DOCK7: variants seen among roughly 807,000 people sequenced by gnomAD.
DOCK7 encodes dedicator of cytokinesis protein 7.
Under a neutral mutation model 271.0 loss-of-function variants are expected in DOCK7, and 138 were observed. That is an observed-to-expected ratio of 0.51 (90% CI 0.44 to 0.59). DOCK7 has a LOEUF of 0.59. Among genes scored for constraint, DOCK7 ranks in the 20% least tolerant of loss-of-function variants. DOCK7 has a pLI of 0.00. For missense variants in DOCK7, 2,066 were observed against 2,592.4 expected, an observed-to-expected ratio of 0.80 and a Z score of 4.41; for synonymous variants, 823 against 876.1, an observed-to-expected ratio of 0.94 and a Z score of 1.07.
chr1:62,657,921 G>A (rs1016187755), intron 2 of DOCK7, among the ~76,000 whole-genome samples: 1 of 151,904 alleles, frequency 6.6e-6, no homozygotes, highest in African/African-American at 2.4e-5. Flanking sequence ...CATCTTCAGG[G>A]ACAAACTACA....
chr1:62,615,397 G>C (rs1214311919), intron 14 of DOCK7, among the ~76,000 whole-genome samples: 3 of 151,762 alleles, frequency 2.0e-5, no homozygotes, highest in East Asian at 1.9e-4. Flanking sequence ...TACTAACAGA[G>C]CACTAGGATC....
At chr1:62,540,936 C>A (rs1247721673) in intron 25 of DOCK7, among the ~76,000 whole-genome samples, 1 of 152,060 alleles carries the variant, frequency 6.6e-6, no homozygotes, top group Non-Finnish European at 1.5e-5. Flanking sequence ...AATGAATTGT[C>A]ACTTATATAT....
intron 1 of DOCK7, among the ~76,000 whole-genome samples, chr1:62,673,086 C>T (rs1360060166): frequency 6.6e-6 from 1 of 151,906 alleles, no homozygotes; most frequent in Non-Finnish European, 1.5e-5. Flanking sequence ...TAAGTTAGCC[C>T]GTGTTAAAAT....
At chr1:62,497,977 A>AG (rs1646670770) in intron 37 of DOCK7, among the ~76,000 whole-genome samples, 2 of 151,948 alleles carry the variant, frequency 1.3e-5, no homozygotes, top group East Asian at 3.9e-4. Context: ...TAAAAAAAAA[A>AG]GGGGGCTGGG....
Position 62,513,801 on chromosome 1 carries a change from T to C in DOCK7, c.4034A>G (p.Gln1345Arg), listed in dbSNP as rs1361940626. The C allele has an allele frequency of 6.2e-7, 1 of 1,614,174 alleles. No homozygotes were observed. Among genetic ancestry groups the C allele is most frequent in the Non-Finnish European group, 8.5e-7 (1 of 1,180,006 alleles). Residue 1345 changes from glutamine (Q) to arginine (R), a missense_variant, in exon 32 of 50, where the codon CAG becomes CGG. Coordinates refer to ENST00000635253, the MANE Select transcript of DOCK7 (RefSeq NM_001367561.1). ...GACTGAGAGATCTGTAAACCACTTC[T>C]GTAGAACTGTTTCATCTGCATTTTT... ...VLKNADETVL[Q>R]KWFTDLSVLQ...
In DOCK7 at chr1:62,578,857, T is replaced by C; in HGVS notation, c.1981A>G (p.Thr661Ala). 6.2e-7 allele frequency: 1 copy of C among 1,606,388 alleles called. No individual in the cohort carries two copies. The highest frequency in any genetic ancestry group is 8.5e-7 in the Non-Finnish European group (1 of 1,177,728). Residue 661 changes from threonine to alanine, a missense_variant, in exon 17 of 50, where the codon ACT (threonine) becomes GCT (alanine). Around this residue, in one of 2 missense-constraint regions of DOCK7, gnomAD observed 1,414 missense variants for 1,670.4 expected, o/e 0.85. Coordinates refer to ENST00000635253, the MANE Select transcript of DOCK7 (RefSeq NM_001367561.1). ...TATCCAACTGGTGTTTCAAGAGGAG[T>C]ATTTTGTTTTTGTTGACAACTAACA... is the stretch of plus-strand genomic sequence containing the variant. Reference protein sequence around the residue: ...YHVSCQQKQNTPLETPVGYTW... With the variant: ...YHVSCQQKQNAPLETPVGYTW...
chr1:62,651,300 TG>T (rs1557860869), intron 4 of DOCK7, among the ~76,000 whole-genome samples: 1 of 42,670 alleles, frequency 2.3e-5, no homozygotes, highest in African/African-American at 9.6e-5. Context: ...TGTTGTGGGG[TG>T]GGGGGAGGGG....
At chr1:62,644,482 C>A (rs1334465611) in intron 7 of DOCK7, among the ~76,000 whole-genome samples, 1 of 152,206 alleles carries the variant, frequency 6.6e-6, no homozygotes, top group Non-Finnish European at 1.5e-5. Flanking sequence ...CCCATTAAAA[C>A]CAGGATGAGC....
At chr1:62,556,298 A>T (rs1052485693) in intron 20 of DOCK7, among the ~76,000 whole-genome samples, 1 of 152,176 alleles carries the variant, frequency 6.6e-6, no homozygotes, top group Non-Finnish European at 1.5e-5. Flanking sequence ...AAAGTACATA[A>T]GAAAAAAGAA....
chr1:62,684,634 G>A (rs553039524), intron 1 of DOCK7, among the ~76,000 whole-genome samples: 1 of 152,284 alleles, frequency 6.6e-6, no homozygotes, highest in South Asian at 2.1e-4. Flanking sequence ...TTACTGCTGA[G>A]TATCAAGCAA....
At chr1:62,496,594 C>A in intron 37 of DOCK7, 97 bp from the exon 38 acceptor site, 1 of 1,110,954 alleles carries the variant, frequency 9.0e-7, no homozygotes, top group Non-Finnish European at 1.3e-6. Flanking sequence ...TGAAAAAATA[C>A]CATTCTAAGC....
intron 7 of DOCK7, among the ~76,000 whole-genome samples, chr1:62,644,272 T>G (rs1478257892): frequency 6.6e-6 from 1 of 152,244 alleles, no homozygotes; most frequent in African/African-American, 2.4e-5. Flanking sequence ...ATATAGTAGG[T>G]AAGCTTATGA....
rs1371045527 is a variant in DOCK7, at chr1:62,653,706, T to C, written c.389+19A>G. 9 of 1,433,256 alleles carry C rather than the reference T, an allele frequency of 6.3e-6. No homozygotes were observed. Among genetic ancestry groups the C allele is most frequent in the African/African-American group, 2.8e-5 (2 of 71,358 alleles). 88.8% of individuals were successfully genotyped at this position (1,433,256 alleles called of 1,614,324 possible). On this transcript the variant is annotated intron_variant, in intron 4 of 49. Transcript: ENST00000635253. ...TCTTACTCAATATTTGTAAATGTTG[T>C]AATAAACATATAACTTACTTTCTGA...
In DOCK7 at chr1:62,481,111, T is replaced by C. The variant is rs148929038; in HGVS notation, c.5509-3286A>G. ...CTGAAGGAGATGGAAGACTTATTCA[T>C]GTGAATCCCTGAGCGACGTGCATCC... On this transcript the variant is annotated intron_variant, in intron 43 of 49. Transcript: ENST00000635253. Among the ~76,000 whole-genome samples, 4 of 151,606 alleles carry C rather than the reference T, an allele frequency of 2.6e-5. No individual in the cohort carries two copies. The East Asian group carries it at 5.8e-4, about 22-fold the overall frequency.
At chr1:62,567,123 G>C (rs1646543510) in intron 18 of DOCK7, among the ~76,000 whole-genome samples, 1 of 152,200 alleles carries the variant, frequency 6.6e-6, no homozygotes, top group Non-Finnish European at 1.5e-5. Context: ...TTCAACCATT[G>C]TGGAAGGCAG....
chr1:62,559,724 C>A (rs1040858496), intron 19 of DOCK7, among the ~76,000 whole-genome samples: 1 of 152,090 alleles, frequency 6.6e-6, no homozygotes, highest in Non-Finnish European at 1.5e-5. Flanking sequence ...CCTCACTGTG[C>A]AGAAAAGAAT....
chr1:62,653,976 C>G lies in DOCK7; in HGVS notation c.320+8G>C, dbSNP rs769736053. 12 of 1,611,240 alleles carry G rather than the reference C, an allele frequency of 7.4e-6. No homozygotes were observed. On this transcript the variant is annotated splice_region_variant and intron_variant, in intron 3 of 49. Coordinates refer to ENST00000635253, the MANE Select transcript of DOCK7 (RefSeq NM_001367561.1). ...TCTAAAGCCAAAAATAAGTCAATGT[C>G]TCCTTACCTTTCTTCAGGTACAGCT...
chr1:62,618,715 G>A lies in DOCK7; in HGVS notation c.1673C>T (p.Thr558Ile). 6.2e-7 allele frequency: 1 copy of A among 1,612,564 alleles called. No homozygotes were observed. The highest frequency in any genetic ancestry group is 8.5e-7 in the Non-Finnish European group (1 of 1,178,742). Residue 558 changes from threonine (T) to isoleucine (I), a missense_variant, in exon 14 of 50, where the codon ACT (threonine) becomes ATT (isoleucine). Coordinates refer to ENST00000635253, the MANE Select transcript of DOCK7 (RefSeq NM_001367561.1). Reference protein sequence around the residue: ...FPARDVYVPNTTYRNLLYIYP... With the variant: ...FPARDVYVPNITYRNLLYIYP... Reference sequence around the variant, plus strand: ...AATTAAAATCTCTTACCTGTAAGTAGTGTTTGGAACATAAACATCCCTTGC... The same window carrying A: ...AATTAAAATCTCTTACCTGTAAGTAATGTTTGGAACATAAACATCCCTTGC...
In DOCK7 at chr1:62,586,468, T is replaced by C. The variant is rs779519157; in HGVS notation, c.1800+39A>G. On this transcript the variant is annotated intron_variant, in intron 15 of 49. Transcript: ENST00000635253. ...AGAAAGAAAAAAGTCTATTTGAACT[T>C]AATACAAAAAATTAGAAAAGTAAAA... 2.0e-6 allele frequency: 3 copies of C among 1,465,026 alleles called. No homozygotes were observed. In the East Asian group the frequency reaches 6.9e-5, roughly 34 times the overall value. 90.8% of individuals were successfully genotyped at this position (1,465,026 alleles called of 1,614,324 possible). A position where few individuals can be genotyped will look rare whatever the true frequency, so the allele number is the denominator to read the frequency against.
Sources: allele counts gnomAD v4.1 joint callset (sites outside exome capture counted in the v4.1 genomes callset), GRCh38; gene constraint gnomAD v4.1.1; regional missense constraint gnomAD v4.1.1; transcripts MANE v1.5; gene names NCBI Gene and HGNC (gene_info 2026-07-23, HGNC 2026-07-21).